Variants in NTM observed in about 807,000 individuals in gnomAD.
The protein encoded by NTM is IgLON family member 2.
A neutral mutation model predicts 42.1 loss-of-function variants in NTM; 13 were observed. The observed-to-expected ratio is 0.31, with a 90% confidence interval of 0.20 to 0.49. The LOEUF (loss-of-function observed/expected upper bound fraction) is 0.49. NTM is among the 20% of genes least tolerant of loss of function. NTM has a pLI of 0.99. For missense variants in NTM, 373 were observed against 452.8 expected (o/e 0.82, Z 1.60); for synonymous variants, 187 against 179.2 (o/e 1.04, Z -0.35).
intron 2 of NTM, among the ~76,000 whole-genome samples, chr11:132,061,691 A>G (rs888562611): frequency 2.0e-5 from 3 of 152,120 alleles, no homozygotes; most frequent in Non-Finnish European, 2.9e-5. Context: ...CCCTTCTCCT[A>G]TGTTCCTGGG....
intron 1 of NTM, among the ~76,000 whole-genome samples, chr11:131,419,355 C>T (rs899511200): frequency 1.2e-4 from 18 of 152,222 alleles, no homozygotes; most frequent in Admixed American, 6.5e-4. Context: ...TGAGTACTAC[C>T]ACAGTGCACA....
At chr11:131,388,749 TG>T (rs1943632474) in intron 1 of NTM, among the ~76,000 whole-genome samples, 1 of 151,834 alleles carries the variant, frequency 6.6e-6, no homozygotes, top group African/African-American at 2.4e-5. Flanking sequence ...TGGTGGCTCC[TG>T]CCTGTAATCC....
At chr11:131,611,133 G>A (rs534847386) in intron 1 of NTM, among the ~76,000 whole-genome samples, 2 of 152,246 alleles carry the variant, frequency 1.3e-5, no homozygotes, top group East Asian at 1.9e-4. Flanking sequence ...CGGGGACCAA[G>A]GAAGCTGAAG....
chr11:131,631,595 C>T lies in NTM; in HGVS notation c.82+260707C>T, dbSNP rs563638340. Reference sequence around the variant, plus strand: ...AATTAAGCACTGTAGTACTTCCTCCCACGTTCCCATTAATTATGTCATTAT... The same window carrying T: ...AATTAAGCACTGTAGTACTTCCTCCTACGTTCCCATTAATTATGTCATTAT... On this transcript the variant is annotated intron_variant, in intron 1 of 8. Transcript: ENST00000683400. Among the ~76,000 whole-genome samples, 5 of 152,344 alleles carry T rather than the reference C, an allele frequency of 3.3e-5. No individual in the cohort carries two copies. The South Asian group carries it at 8.3e-4, about 25-fold the overall frequency.
chr11:131,451,382 A>G (rs1950475242), intron 1 of NTM, among the ~76,000 whole-genome samples: 1 of 152,260 alleles, frequency 6.6e-6, no homozygotes, highest in South Asian at 2.1e-4. Context: ...ACAGCATACC[A>G]TCAGGTGCTA....
Position 131,464,090 on chromosome 11 carries a change from G to T in NTM, c.82+93202G>T, listed in dbSNP as rs137944238. Among the ~76,000 whole-genome samples the T allele has an allele frequency of 5.3e-5, 8 of 152,336 alleles. No individual in the cohort carries two copies. The East Asian group carries it at 1.5e-3, about 29-fold the overall frequency. On this transcript the variant is annotated intron_variant, in intron 1 of 8. Coordinates refer to ENST00000683400, the MANE Select transcript of NTM (RefSeq NM_001352005.2). The stretch of plus-strand genomic sequence containing the variant: ...CGCGAGTTTCCTCTCTCTGGAGATT[G>T]TGGATGAGGGGCTGCTGAGGGAGGA...
intron 1 of NTM, among the ~76,000 whole-genome samples, chr11:131,728,077 A>T (rs2079169167): frequency 6.6e-6 from 1 of 152,186 alleles, no homozygotes; most frequent in African/African-American, 2.4e-5. Context: ...TTAGGTGTTC[A>T]TTAGTATAGT....
In NTM at chr11:131,851,264, T is replaced by G. The variant is rs1255951854; in HGVS notation, c.83-60300T>G. On this transcript the variant is annotated intron_variant, in intron 1 of 8. Transcript: ENST00000683400. The stretch of plus-strand genomic sequence containing the variant: ...TAGAGCAGTAGCATCCTTAGAATCA[T>G]AGAGCTGTTGAATACTGGGCAAGGA... 5.3e-5 allele frequency among the ~76,000 whole-genome samples: 8 copies of G among 152,244 alleles called. No homozygotes were observed. In the South Asian group the frequency reaches 1.7e-3, roughly 32 times the overall value.
At chr11:132,321,169 G>A (rs2095560197) in intron 7 of NTM, among the ~76,000 whole-genome samples, 1 of 152,186 alleles carries the variant, frequency 6.6e-6, no homozygotes, top group Admixed American at 6.6e-5. Context: ...GAACAAAGCT[G>A]GACAGAGAAT....
chr11:131,905,502 G>A (rs893493519), intron 1 of NTM, among the ~76,000 whole-genome samples: 1 of 151,908 alleles, frequency 6.6e-6, no homozygotes, highest in African/African-American at 2.4e-5. Flanking sequence ...TGCCATCCAC[G>A]AGATTCCTGC....
At chr11:131,829,512 C>T (rs60023823) in intron 1 of NTM, among the ~76,000 whole-genome samples, 12,059 of 152,196 alleles carry the variant, frequency 0.079, 633 homozygotes, top group Admixed American at 0.18. Flanking sequence ...CTGCAAAGGA[C>T]ATAATTTCAT....
At chr11:131,440,192 A>C (rs1949499261) in intron 1 of NTM, among the ~76,000 whole-genome samples, 1 of 152,062 alleles carries the variant, frequency 6.6e-6, no homozygotes, top group Non-Finnish European at 1.5e-5. Context: ...TCCTTAAAAA[A>C]ATTTAACCTA....
chr11:131,548,283 T>G (rs903409907), intron 1 of NTM, among the ~76,000 whole-genome samples: 4 of 152,120 alleles, frequency 2.6e-5, no homozygotes, highest in African/African-American at 7.2e-5. Context: ...ACTCTCCCCT[T>G]GTGCATTTTT....
chr11:132,209,615 G>A (rs1402741434), intron 3 of NTM, among the ~76,000 whole-genome samples: 6 of 152,208 alleles, frequency 3.9e-5, no homozygotes, highest in Admixed American at 3.9e-4. Flanking sequence ...GTGGGAACAT[G>A]TTACATAAAA....
intron 2 of NTM, among the ~76,000 whole-genome samples, chr11:132,115,605 C>T (rs967691729): frequency 4.6e-5 from 7 of 152,136 alleles, no homozygotes; most frequent in Non-Finnish European, 1.0e-4. Flanking sequence ...GAGGCTCAGC[C>T]GTAGTCTGGA....
At chr11:132,215,099 A>C (rs1280172953) in intron 4 of NTM, among the ~76,000 whole-genome samples, 3 of 152,222 alleles carry the variant, frequency 2.0e-5, no homozygotes, top group East Asian at 3.8e-4. Flanking sequence ...GGCTTATTCT[A>C]AATAAACCAG....
rs562295842 is a variant in NTM at position 132,280,676 on chromosome 11, G to A, written c.527-27013G>A. 8.5e-5 allele frequency among the ~76,000 whole-genome samples: 13 copies of A among 152,078 alleles called. No individual in the cohort carries two copies. In the South Asian group the frequency reaches 2.5e-3, roughly 29 times the overall value. On this transcript the variant is annotated intron_variant, in intron 4 of 8. Coordinates refer to ENST00000683400, the MANE Select transcript of NTM (RefSeq NM_001352005.2). ...GATTTTTGTATTTTTAGTAGAGACAGGGTTTCACCATGTTGGCCAGGCTGG... is the reference window on the plus strand; with the variant it reads ...GATTTTTGTATTTTTAGTAGAGACAAGGTTTCACCATGTTGGCCAGGCTGG...
chr11:131,500,569 A>ATG (rs2046638271), intron 1 of NTM, among the ~76,000 whole-genome samples: 1 of 58,092 alleles, frequency 1.7e-5, no homozygotes, highest in Non-Finnish European at 3.4e-5. Context: ...ATATATATAT[A>ATG]TATATATATT....
At chr11:131,696,785 G>GCA (rs34907087) in intron 1 of NTM, among the ~76,000 whole-genome samples, 10,212 of 147,566 alleles carry the variant, frequency 0.069, 867 homozygotes, top group African/African-American at 0.21. Context: ...ACCCACGCAT[G>GCA]CACACACACA....
Sources: allele counts gnomAD v4.1 joint callset (sites outside exome capture counted in the v4.1 genomes callset), GRCh38; gene constraint gnomAD v4.1.1; transcripts MANE v1.5; gene names NCBI Gene and HGNC (gene_info 2026-07-23, HGNC 2026-07-21).